CFLAR: variants seen among roughly 807,000 people sequenced by gnomAD.
CFLAR encodes CASP8 and FADD like apoptosis regulator, also known as CASP8 and FADD-like apoptosis regulator.
Under a neutral mutation model 51.1 loss-of-function variants are expected in CFLAR, and 14 were observed. The observed-to-expected ratio is 0.27, with a 90% confidence interval of 0.18 to 0.43. CFLAR has a LOEUF of 0.43. Among genes scored for constraint, CFLAR ranks in the 20% least tolerant of loss-of-function variants. The pLI is 1.00. For missense variants in CFLAR, 390 were observed against 566.5 expected, an observed-to-expected ratio of 0.69 and a Z score of 3.16; for synonymous variants, 210 against 211.6, an observed-to-expected ratio of 0.99 and a Z score of 0.06.
At chr2:201,139,523 A>C (rs376483514) in intron 4 of CFLAR, 2 of 154,412 alleles carry the variant, frequency 1.3e-5, no homozygotes, top group East Asian at 3.8e-4. Flanking sequence ...TGGGCAATGG[A>C]ATGTCTCGGT....
chr2:201,125,926 AG>A (rs1213447054), intron 1 of CFLAR, among the ~76,000 whole-genome samples: 7 of 152,010 alleles, frequency 4.6e-5, no homozygotes, highest in Non-Finnish European at 1.0e-4. Flanking sequence ...CCTGGGACTG[AG>A]GGGTTTCCTG....
chr2:201,132,963 G>T, intron 2 of CFLAR, 66 bp from the exon 3 acceptor site: 3 of 1,555,918 alleles, frequency 1.9e-6, no homozygotes, highest in Non-Finnish European at 1.8e-6. Context: ...TAGGGGAGGC[G>T]TGGGCACTTG....
In CFLAR at chr2:201,164,747, C is replaced by T. The variant is rs916015243; in HGVS notation, c.*774C>T. 1 of 152,174 alleles carries T rather than the reference C, an allele frequency of 6.6e-6. No individual in the cohort carries two copies. The highest frequency in any genetic ancestry group is 2.4e-5 in the African/African-American group (1 of 41,430). 9.4% of individuals were successfully genotyped at this position (152,174 alleles called of 1,614,324 possible). Reference sequence around the variant, plus strand: ...AATCAAGTTGATACTCAGTATTAACCATCACAGTCCATTTGGGCAACTATA... The same window carrying T: ...AATCAAGTTGATACTCAGTATTAACTATCACAGTCCATTTGGGCAACTATA... On this transcript the variant is annotated 3_prime_UTR_variant, in exon 10 of 10. Transcript: ENST00000309955.
intron 5 of CFLAR, chr2:201,140,774 T>TATATATACATAC (rs1327076163): frequency 6.2e-6 from 1 of 162,032 alleles, no homozygotes; most frequent in African/African-American, 2.4e-5. Flanking sequence ...TATATATATA[T>TATATATACATAC]ATACATACAT....
rs1279488243 is a variant in CFLAR at position 201,170,614 on chromosome 2, A to G, written c.*6641A>G. On this transcript the variant is annotated 3_prime_UTR_variant, in exon 10 of 10. Coordinates refer to ENST00000309955, the MANE Select transcript of CFLAR (RefSeq NM_003879.7). ...GGTTTTGAAAATATAGAAAGGCACA[A>G]TTTCTTTTTAAATCTGTTATTCTCC... is the stretch of plus-strand genomic sequence containing the variant. The G allele has an allele frequency of 1.3e-5, 2 of 152,178 alleles. No homozygotes were observed. The highest frequency in any genetic ancestry group is 2.9e-5 in the Non-Finnish European group (2 of 68,028). The allele number at this position is 152,178 out of a possible 1,614,324, so 9.4% of individuals were successfully genotyped here.
At position 201,129,856 on chromosome 2, in the gene CFLAR, T is replaced by C. The variant is rs367710240; in HGVS notation, c.-10T>C. ...AAGACCCTTGTGAGCTTCCCTAGTC[T>C]AAGAGTAGGATGTCTGCTGAAGTCA... On this transcript the variant is annotated 5_prime_UTR_variant, in exon 2 of 10. Transcript: ENST00000309955. The C allele has an allele frequency of 1.6e-3, 2,548 of 1,604,712 alleles. 1 individual carries two copies. Among genetic ancestry groups the C allele is most frequent in the Non-Finnish European group, 2.0e-3 (2,359 of 1,179,362 alleles).
In CFLAR at chr2:201,152,240, C is replaced by T. The variant is rs192578888; in HGVS notation, c.793+2405C>T. On this transcript the variant is annotated intron_variant, in intron 8 of 9. Transcript: ENST00000309955. ...GAACTTGCTGACCTCAAGTGATCCACCCACCTCGGCCTCCCAAAGTGCTGG... is the reference window on the plus strand; with the variant it reads ...GAACTTGCTGACCTCAAGTGATCCATCCACCTCGGCCTCCCAAAGTGCTGG... 4.4e-3 allele frequency among the ~76,000 whole-genome samples: 665 copies of T among 152,280 alleles called. 5 individuals carry two copies. The highest frequency in any genetic ancestry group is 0.015 in the African/African-American group (639 of 41,546).
At position 201,118,428 on chromosome 2, in the gene CFLAR, C is replaced by T. The variant is rs1451330978; in HGVS notation, c.-138+1947C>T. On this transcript the variant is annotated intron_variant, in intron 1 of 9. Coordinates refer to ENST00000309955, the MANE Select transcript of CFLAR (RefSeq NM_003879.7). This position sits in a 1 kb window ranked among gnomAD's most constrained non-coding sequence, Gnocchi z 5.1. ...AAGCTGAAGCGGAAATTGCCTAGGC[C>T]CCTGGGGCATTGGAGGTCCTACCGC... 5.3e-5 allele frequency: 8 copies of T among 152,124 alleles called. No individual in the cohort carries two copies. The highest frequency in any genetic ancestry group is 1.9e-4 in the African/African-American group (8 of 41,420). 9.4% of individuals were successfully genotyped at this position (152,124 alleles called of 1,614,324 possible). A position where few individuals can be genotyped will look rare whatever the true frequency, so the allele number is the denominator to read the frequency against.
intron 2 of CFLAR, among the ~76,000 whole-genome samples, chr2:201,131,163 G>A (rs1019271518): frequency 2.6e-5 from 4 of 152,158 alleles, no homozygotes; most frequent in African/African-American, 7.2e-5. Flanking sequence ...GTCTTTAGAG[G>A]TTCAGAGGGG....
intron 8 of CFLAR, among the ~76,000 whole-genome samples, chr2:201,155,209 T>C (rs1941951455): frequency 6.6e-6 from 1 of 152,158 alleles, no homozygotes; most frequent in Non-Finnish European, 1.5e-5. Flanking sequence ...AAGCTCTGGT[T>C]GTTTTTAAGG....
rs1448627257 is a variant in CFLAR, at chr2:201,163,594, G to T, written c.1305-241G>T. The T allele has an allele frequency of 2.0e-5, 26 of 1,307,336 alleles. 1 individual carries two copies. Among genetic ancestry groups the T allele is most frequent in the Non-Finnish European group, 2.4e-5 (25 of 1,026,814 alleles). The allele number at this position is 1,307,336 out of a possible 1,614,324, so 81.0% of individuals were successfully genotyped here. A position where few individuals can be genotyped will look rare whatever the true frequency, so the allele number is the denominator to read the frequency against. On this transcript the variant is annotated intron_variant, in intron 9 of 9. Coordinates refer to ENST00000309955, the MANE Select transcript of CFLAR (RefSeq NM_003879.7). ...CCCATTTGCATAGATGATCCACGTG[G>T]GTTATCATCTGGCTGGTATGTTCCC...
At chr2:201,132,227 G>A (rs182184957) in intron 2 of CFLAR, among the ~76,000 whole-genome samples, 155 of 152,054 alleles carry the variant, frequency 1.0e-3, no homozygotes, top group Middle Eastern at 3.4e-3. Context: ...TGGTGAGTGG[G>A]CTTCATTGTG....
At chr2:201,145,202 A>G (rs560490002) in intron 5 of CFLAR, among the ~76,000 whole-genome samples, 176 bp from the exon 6 acceptor site, 1 of 152,298 alleles carries the variant, frequency 6.6e-6, no homozygotes, top group Admixed American at 6.5e-5. Flanking sequence ...GTAATATGAT[A>G]CGGGATTTAT....
intron 2 of CFLAR, among the ~76,000 whole-genome samples, 188 bp downstream of exon 2, chr2:201,130,334 G>GCTTT (rs1380416226): frequency 2.9e-5 from 4 of 138,144 alleles, no homozygotes; most frequent in Non-Finnish European, 4.8e-5. Context: ...TTGTTTTCTT[G>GCTTT]CTTTCTTTTT....
chr2:201,123,010 A>G (rs1233001962), intron 1 of CFLAR, among the ~76,000 whole-genome samples: 1 of 152,212 alleles, frequency 6.6e-6, no homozygotes, highest in Non-Finnish European at 1.5e-5. Context: ...ACAGTGGGCA[A>G]TCCGTTGTGT....
Position 201,157,211 on chromosome 2 carries a change from C to T in CFLAR, c.794-3221C>T, listed in dbSNP as rs563529918. Among the ~76,000 whole-genome samples the T allele has an allele frequency of 3.3e-5, 5 of 152,290 alleles. No homozygotes were observed. In the South Asian group the frequency reaches 1.0e-3, roughly 32 times the overall value. The stretch of plus-strand genomic sequence containing the variant: ...TCACCCAGGCTGGAGTGCAGTGGAG[C>T]GATCTTGGCTCCTCCACTTCCTGGG... On this transcript the variant is annotated intron_variant, in intron 8 of 9. Coordinates refer to ENST00000309955, the MANE Select transcript of CFLAR (RefSeq NM_003879.7).
Position 201,164,076 on chromosome 2 carries a change from G to A in CFLAR, c.*103G>A. On this transcript the variant is annotated 3_prime_UTR_variant, in exon 10 of 10. Transcript: ENST00000309955. ...AGGTCAGGAGTTCGAGACCAGCCTGGCCAACATGGTAAACGCTGTCCCTAG... is the reference window on the plus strand; with the variant it reads ...AGGTCAGGAGTTCGAGACCAGCCTGACCAACATGGTAAACGCTGTCCCTAG... 1 of 883,260 alleles carries A rather than the reference G, an allele frequency of 1.1e-6. No homozygotes were observed. Among genetic ancestry groups the A allele is most frequent in the Non-Finnish European group, 1.7e-6 (1 of 589,414 alleles). 54.7% of individuals were successfully genotyped at this position (883,260 alleles called of 1,614,324 possible). A position where few individuals can be genotyped will look rare whatever the true frequency, so the allele number is the denominator to read the frequency against.
rs2049087751 is a variant in CFLAR, at chr2:201,130,056, G to A, written c.191G>A (p.Arg64Gln). ...DLAELLYRVR[R>Q]FDLLKRILKM... is the part of the protein sequence containing the mutation. ...GCTGAACTGCTCTACAGAGTGAGGCGATTTGACCTGCTCAAACGTATCTTG... is the reference window on the plus strand; with the variant it reads ...GCTGAACTGCTCTACAGAGTGAGGCAATTTGACCTGCTCAAACGTATCTTG... The change falls in exon 2 of 10, where the codon CGA (arginine) becomes CAA (glutamine). Residue 64 changes from arginine (R) to glutamine (Q), a missense_variant. Coordinates refer to ENST00000309955, the MANE Select transcript of CFLAR (RefSeq NM_003879.7). 6.2e-7 allele frequency: 1 copy of A among 1,613,952 alleles called. No individual in the cohort carries two copies.
At chr2:201,147,405 T>C (rs559912645) in intron 6 of CFLAR, among the ~76,000 whole-genome samples, 1 of 152,160 alleles carries the variant, frequency 6.6e-6, no homozygotes, top group East Asian at 1.9e-4. Flanking sequence ...GGTGCATGCC[T>C]GTAGTCCCAG....
Sources: allele counts gnomAD v4.1 joint callset (sites outside exome capture counted in the v4.1 genomes callset), GRCh38; gene constraint gnomAD v4.1.1; non-coding constraint Gnocchi (gnomAD v3.1); transcripts MANE v1.5; gene names NCBI Gene and HGNC (gene_info 2026-07-23, HGNC 2026-07-21).